Variants in ANKRD30BL observed in about 807,000 individuals in gnomAD.
ANKRD30BL encodes the protein putative ankyrin repeat domain-containing protein 30B-like.
ANKRD30BL carries 20 observed loss-of-function variants against 18.4 expected under a neutral mutation model. That is an observed-to-expected ratio of 1.09 (90% confidence interval 0.77 to 1.58). The LOEUF (loss-of-function observed/expected upper bound fraction) is 1.58, where lower values mean the gene tolerates loss of function less well. ANKRD30BL is among the 40% of genes most tolerant of loss of function. The probability of loss-of-function intolerance (pLI) is 0.00; values close to 1 mark genes in which losing one functional copy is unlikely to be tolerated. For missense variants in ANKRD30BL, 224 were observed against 268.6 expected (o/e 0.83, Z 1.16); for synonymous variants, 72 against 100.9 (o/e 0.71, Z 1.72).
intron 1 of ANKRD30BL, among the ~76,000 whole-genome samples, chr2:132,215,895 G>A (rs998019449): frequency 6.6e-6 from 1 of 151,976 alleles, no homozygotes; most frequent in Non-Finnish European, 1.5e-5. Context: ...GAAGCATTCT[G>A]AGAAAGTTTT....
At chr2:132,164,367 T>C (rs1379516876), upstream of ANKRD30BL, among the ~76,000 whole-genome samples, 7 of 149,598 alleles carry the variant, frequency 4.7e-5, no homozygotes, top group Non-Finnish European at 8.9e-5. Context: ...CTCGGCTCAC[T>C]GCAACCTCTA....
intron 1 of ANKRD30BL, chr2:132,257,208 G>T: frequency 2.4e-6 from 1 of 409,016 alleles, no homozygotes. Context: ...AGCTCCAGGA[G>T]ACCGGCATGC....
At chr2:132,248,116 T>C (rs1162326260) in intron 1 of ANKRD30BL, among the ~76,000 whole-genome samples, 1 of 152,070 alleles carries the variant, frequency 6.6e-6, no homozygotes, top group Non-Finnish European at 1.5e-5. Flanking sequence ...TTTTTCACCA[T>C]AGGCCTCAAA....
chr2:132,225,174 C>G (rs1435862172), intron 1 of ANKRD30BL, among the ~76,000 whole-genome samples: 1 of 151,928 alleles, frequency 6.6e-6, no homozygotes, highest in East Asian at 1.9e-4. Context: ...TAGACAGAAG[C>G]TTTCTCCGAA....
rs199547105 is a variant in ANKRD30BL at position 132,201,870 on chromosome 2, T to C, written n.442-44724A>G. On this transcript the variant is annotated intron_variant and non_coding_transcript_variant, in intron 1 of 4. Coordinates refer to the ANKRD30BL transcript ENST00000470729. Reference sequence around the variant, plus strand: ...ATGTTTATTGTGGCATTATTCACAATAGCAAAGACTTGGAACCAACCCAAA... The same window carrying C: ...ATGTTTATTGTGGCATTATTCACAACAGCAAAGACTTGGAACCAACCCAAA... Among the ~76,000 whole-genome samples, 76 of 152,272 alleles carry C rather than the reference T, an allele frequency of 5.0e-4. 2 individuals carry two copies. The East Asian group carries it at 0.013, about 27-fold the overall frequency.
At chr2:132,237,706 G>A (rs111376547) in intron 1 of ANKRD30BL, among the ~76,000 whole-genome samples, 4 of 151,984 alleles carry the variant, frequency 2.6e-5, no homozygotes, top group African/African-American at 9.6e-5. Context: ...TTTTCATAGA[G>A]CAGTTTTGAA....
At position 132,221,202 on chromosome 2, in the gene ANKRD30BL, AG is replaced by A. The variant is rs1324930855; in HGVS notation, n.441+36326del. Among the ~76,000 whole-genome samples, 25 of 132,830 alleles carry A rather than the reference AG, an allele frequency of 1.9e-4. 1 individual carries two copies. The highest frequency in any genetic ancestry group is 7.9e-4 in the African/African-American group (24 of 30,516). 87.1% of individuals were successfully genotyped at this position (132,830 alleles called of 152,430 possible). A position where few individuals can be genotyped will look rare whatever the true frequency, so the allele number is the denominator to read the frequency against. ...TCCGCGAGGGAGGTGGGGGGGGGTCAGCCCCCCGCCCGGCCAGCCGCCCCGT... is the reference window on the plus strand; with the variant it reads ...TCCGCGAGGGAGGTGGGGGGGGGTCACCCCCCGCCCGGCCAGCCGCCCCGT... On this transcript the variant is annotated intron_variant and non_coding_transcript_variant, in intron 1 of 4. Transcript: ENST00000470729.
At chr2:132,182,667 T>C (rs981406114) in intron 1 of ANKRD30BL, among the ~76,000 whole-genome samples, 8 of 152,178 alleles carry the variant, frequency 5.3e-5, no homozygotes, top group Non-Finnish European at 1.2e-4. Flanking sequence ...TATCTTGATC[T>C]ATAAGTCTAA....
intron 1 of ANKRD30BL, among the ~76,000 whole-genome samples, chr2:132,210,283 T>C (rs1301959417): frequency 6.6e-6 from 1 of 151,870 alleles, no homozygotes; most frequent in Non-Finnish European, 1.5e-5. Flanking sequence ...TTTCTTTTGA[T>C]TGAGCAGTTT....
chr2:132,176,398 C>T (rs10187127), intron 1 of ANKRD30BL, among the ~76,000 whole-genome samples: 60,731 of 151,844 alleles, frequency 0.4, 12,483 homozygotes, highest in South Asian at 0.56. Flanking sequence ...CATGGTGGCA[C>T]ATGCCTGTAA....
intron 1 of ANKRD30BL, among the ~76,000 whole-genome samples, chr2:132,181,684 G>A (rs1195483935): frequency 1.3e-5 from 2 of 152,176 alleles, no homozygotes; most frequent in Non-Finnish European, 2.9e-5. Flanking sequence ...GCCATGGTGT[G>A]TAAATGAATA....
At chr2:132,206,043 A>C (rs922893528) in intron 1 of ANKRD30BL, among the ~76,000 whole-genome samples, 4 of 152,070 alleles carry the variant, frequency 2.6e-5, no homozygotes, top group African/African-American at 9.7e-5. Flanking sequence ...CTGTAATCCT[A>C]GCTACTTGGG....
chr2:132,215,379 T>A (rs1458279078), intron 1 of ANKRD30BL, among the ~76,000 whole-genome samples: 1 of 152,210 alleles, frequency 6.6e-6, no homozygotes, highest in Non-Finnish European at 1.5e-5. Context: ...GGTAGAAGCA[T>A]TCTGACAAAC....
intron 1 of ANKRD30BL, among the ~76,000 whole-genome samples, chr2:132,191,581 G>A (rs556177205): frequency 5.3e-4 from 81 of 152,128 alleles, no homozygotes; most frequent in African/African-American, 1.9e-3. Context: ...TCTGTGCAGT[G>A]TTATTGCATT....
chr2:132,199,910 T>G (rs1679059992), intron 1 of ANKRD30BL, among the ~76,000 whole-genome samples: 1 of 152,158 alleles, frequency 6.6e-6, no homozygotes, highest in South Asian at 2.1e-4. Context: ...GCAAAAATCC[T>G]CAATGAAATA....
At chr2:132,180,826 A>G (rs576148810) in intron 1 of ANKRD30BL, among the ~76,000 whole-genome samples, 71 of 152,310 alleles carry the variant, frequency 4.7e-4, no homozygotes, top group African/African-American at 1.6e-3. Flanking sequence ...TTAACATAAA[A>G]TTATAAAAGA....
intron 1 of ANKRD30BL, among the ~76,000 whole-genome samples, chr2:132,158,366 TGC>T (rs1370001827): frequency 2.6e-5 from 4 of 152,088 alleles, no homozygotes; most frequent in Non-Finnish European, 5.9e-5. Context: ...ATTTATAGAA[TGC>T]ATGTAAATTA....
chr2:132,152,130 T>A (rs1461656370), intron 4 of ANKRD30BL: 2 of 152,256 alleles, frequency 1.3e-5, no homozygotes, highest in African/African-American at 4.8e-5. Flanking sequence ...ACGTAAATAA[T>A]TTTTTGTATG....
intron 1 of ANKRD30BL, among the ~76,000 whole-genome samples, chr2:132,231,014 C>T (rs1223811596): frequency 3.3e-5 from 5 of 152,088 alleles, no homozygotes; most frequent in African/African-American, 9.7e-5. Context: ...CAGAAGATTT[C>T]TCAGAAACTT....
Sources: gnomAD v4.1 joint callset for allele counts (sites outside exome capture counted in the v4.1 genomes callset) on GRCh38, gnomAD v4.1.1 for gene constraint, MANE v1.5 for transcripts, NCBI Gene and HGNC (gene_info 2026-07-23, HGNC 2026-07-21) for gene names.